Variants in GABRG3 observed in about 807,000 individuals in gnomAD.
GABRG3 encodes gamma-aminobutyric acid receptor subunit gamma-3.
A neutral mutation model predicts 48.8 loss-of-function variants in GABRG3; 25 were observed. That is an observed-to-expected ratio of 0.51 (90% CI 0.37 to 0.72). The LOEUF is 0.72. GABRG3 is among the 30% of genes least tolerant of loss of function. The pLI is 0.00. For missense variants in GABRG3, 394 were observed against 577.9 expected (o/e 0.68, Z 3.26); for synonymous variants, 227 against 217.6 (o/e 1.04, Z -0.38).
intron 3 of GABRG3, among the ~76,000 whole-genome samples, chr15:27,056,618 G>A (rs1896552610): frequency 6.6e-6 from 1 of 152,074 alleles, no homozygotes; most frequent in African/African-American, 2.4e-5. Flanking sequence ...AGCCTCCGCC[G>A]GAAGGAGCTC....
intron 3 of GABRG3, among the ~76,000 whole-genome samples, chr15:27,131,422 C>G (rs149340873): frequency 2.0e-5 from 3 of 151,908 alleles, no homozygotes. Flanking sequence ...TAATGTGTTG[C>G]TCAATTCTGT....
intron 5 of GABRG3, among the ~76,000 whole-genome samples, chr15:27,460,540 G>T (rs1360688279): frequency 6.6e-6 from 1 of 152,202 alleles, no homozygotes; most frequent in African/African-American, 2.4e-5. Flanking sequence ...GGAAACAGAA[G>T]TTACAGGCAA....
chr15:27,119,885 G>C (rs1339464970), intron 3 of GABRG3, among the ~76,000 whole-genome samples: 1 of 152,198 alleles, frequency 6.6e-6, no homozygotes, highest in Non-Finnish European at 1.5e-5. Context: ...AGAGCCCCTA[G>C]AGCACATCTG....
At chr15:27,040,271 G>C (rs902527888) in intron 3 of GABRG3, among the ~76,000 whole-genome samples, 3 of 152,248 alleles carry the variant, frequency 2.0e-5, no homozygotes, top group Admixed American at 2.0e-4. Context: ...GTCCCTTGAA[G>C]AGCCCTTGAG....
At chr15:27,186,723 A>T (rs1298294652) in intron 3 of GABRG3, among the ~76,000 whole-genome samples, 1 of 152,084 alleles carries the variant, frequency 6.6e-6, no homozygotes, top group Non-Finnish European at 1.5e-5. Context: ...ATAGTATCTC[A>T]TTGTGGTTTT....
At chr15:27,509,252 T>G (rs1050113737) in intron 6 of GABRG3, among the ~76,000 whole-genome samples, 1 of 152,180 alleles carries the variant, frequency 6.6e-6, no homozygotes, top group Non-Finnish European at 1.5e-5. Flanking sequence ...TTTTTTCCCT[T>G]GGCTGCTTCC....
chr15:27,439,741 G>A (rs528230661), intron 5 of GABRG3, among the ~76,000 whole-genome samples: 2 of 152,252 alleles, frequency 1.3e-5, no homozygotes, highest in South Asian at 4.1e-4. Flanking sequence ...CTGCAGGCAC[G>A]TTCTATTTTT....
intron 3 of GABRG3, among the ~76,000 whole-genome samples, chr15:27,264,447 C>G (rs1890858113): frequency 6.6e-6 from 1 of 151,890 alleles, no homozygotes; most frequent in African/African-American, 2.4e-5. Context: ...ACTAATGTCC[C>G]TACATTTAAA....
At chr15:27,214,617 C>T (rs1005998589) in intron 3 of GABRG3, among the ~76,000 whole-genome samples, 2 of 151,942 alleles carry the variant, frequency 1.3e-5, no homozygotes, top group African/African-American at 4.8e-5. Flanking sequence ...GGTTCCTCAT[C>T]TTCTTAACTA....
rs1887855888 is a variant in GABRG3 at position 27,179,504 on chromosome 15, G to A, written c.271-147305G>A. Among the ~76,000 whole-genome samples the A allele has an allele frequency of 1.3e-5, 2 of 152,092 alleles. No homozygotes were observed. Among genetic ancestry groups the A allele is most frequent in the African/African-American group, 4.8e-5 (2 of 41,408 alleles). On this transcript the variant is annotated intron_variant, in intron 3 of 9. Coordinates refer to ENST00000615808, the MANE Select transcript of GABRG3 (RefSeq NM_033223.5). The surrounding 1 kb of genome is among the most constrained non-coding windows in gnomAD (Gnocchi z 4.0). The stretch of plus-strand genomic sequence containing the variant: ...ATTTCGCTGGCTTTATGCTTGGTCT[G>A]GCTCTGAGAAATTTATCATTTTCCC...
chr15:27,490,882 GCCACCACCCCCA>G (rs1193251365), intron 6 of GABRG3, among the ~76,000 whole-genome samples: 3 of 139,102 alleles, frequency 2.2e-5, no homozygotes, highest in Non-Finnish European at 3.1e-5. Context: ...CCCTTGTCCT[GCCACCACCCCCA>G]CCACCACCCC....
chr15:27,279,683 A>T (rs577265523), intron 3 of GABRG3, among the ~76,000 whole-genome samples: 13 of 152,194 alleles, frequency 8.5e-5, no homozygotes, highest in Non-Finnish European at 1.8e-4. Flanking sequence ...TATAAGTCTT[A>T]TAGTCAGGTA....
chr15:27,083,268 A>G (rs1339915806), intron 3 of GABRG3, among the ~76,000 whole-genome samples: 1 of 152,118 alleles, frequency 6.6e-6, no homozygotes, highest in African/African-American at 2.4e-5. Context: ...TCATTCAGAA[A>G]GGAAGTGGCA....
At chr15:27,523,215 C>G (rs1891198185) in intron 7 of GABRG3, among the ~76,000 whole-genome samples, 1 of 151,690 alleles carries the variant, frequency 6.6e-6, no homozygotes, top group Admixed American at 6.6e-5. Flanking sequence ...TAAAACATTT[C>G]TGACATGAAA....
intron 3 of GABRG3, among the ~76,000 whole-genome samples, chr15:27,267,221 C>T (rs989208991): frequency 1.3e-5 from 2 of 151,104 alleles, no homozygotes; most frequent in African/African-American, 4.9e-5. Flanking sequence ...ATTCTCTTGC[C>T]TCAGCCTCCC....
intron 3 of GABRG3, among the ~76,000 whole-genome samples, chr15:27,055,535 A>G (rs1896530915): frequency 6.6e-6 from 1 of 152,310 alleles, no homozygotes; most frequent in South Asian, 2.1e-4. Flanking sequence ...CTGACCTCAC[A>G]TGGCAGGTCA....
chr15:27,287,214 G>A lies in GABRG3; in HGVS notation c.271-39595G>A, dbSNP rs77202397. ...CTGTTGCTTACATAAAATGTACATG[G>A]GAAGAATTATTATTCAGAAAATATT... On this transcript the variant is annotated intron_variant, in intron 3 of 9. Coordinates refer to ENST00000615808, the MANE Select transcript of GABRG3 (RefSeq NM_033223.5). 1.4e-3 allele frequency among the ~76,000 whole-genome samples: 218 copies of A among 152,148 alleles called. 1 individual carries two copies. Among genetic ancestry groups the A allele is most frequent in the African/African-American group, 4.6e-3 (192 of 41,484 alleles).
intron 7 of GABRG3, among the ~76,000 whole-genome samples, chr15:27,525,623 T>G (rs372949148): frequency 1.3e-5 from 2 of 152,142 alleles, no homozygotes; most frequent in African/African-American, 4.8e-5. Context: ...CTATGGAAAT[T>G]ACAGACACAA....
At chr15:27,148,597 A>T (rs1898253213) in intron 3 of GABRG3, among the ~76,000 whole-genome samples, 1 of 152,034 alleles carries the variant, frequency 6.6e-6, no homozygotes, top group Non-Finnish European at 1.5e-5. Context: ...TGTTGCAAAG[A>T]TTCTCAACAA....
Sources: gnomAD v4.1 joint callset for allele counts (sites outside exome capture counted in the v4.1 genomes callset) on GRCh38, gnomAD v4.1.1 for gene constraint, Gnocchi (gnomAD v3.1) non-coding constraint, MANE v1.5 for transcripts, NCBI Gene and HGNC (gene_info 2026-07-23, HGNC 2026-07-21) for gene names.